FSIP2: variants seen among roughly 807,000 people sequenced by gnomAD.
FSIP2 encodes fibrous sheath interacting protein 2.
A neutral mutation model predicts 510.5 loss-of-function variants in FSIP2; 367 were observed. The ratio of observed to expected loss-of-function variants is 0.72; its 90% CI spans 0.66 to 0.78. The LOEUF (loss-of-function observed/expected upper bound fraction) is 0.78. Among genes scored for constraint, FSIP2 ranks in the 30% least tolerant of loss-of-function variants. The pLI is 0.00. For synonymous variants in FSIP2, 2,601 were observed against 2,732.2 expected (o/e 0.95, Z 1.50); for missense variants, 7,594 against 7,901.7 (o/e 0.96, Z 1.48).
Position 185,799,839 on chromosome 2 carries a change from T to C in FSIP2, c.10533T>C (p.Thr3511=), listed in dbSNP as rs1693383526. The C allele has an allele frequency of 6.5e-7, 1 of 1,532,650 alleles. No individual in the cohort carries two copies. The highest frequency in any genetic ancestry group is 1.2e-5 in the South Asian group (1 of 83,848). 94.9% of individuals were successfully genotyped at this position (1,532,650 alleles called of 1,614,324 possible). ...CTGAGTCAGTACTTTACCATTTAAC[T>C]TCGAGCATTTCTGATGGCACCAAAA... The part of the protein sequence containing the change: ...HLTESVLYHL[T]SSISDGTKKG... Residue 3511 remains threonine (T), a synonymous_variant, in exon 17 of 23, where the codon ACT becomes ACC. Coordinates refer to ENST00000424728, the MANE Select transcript of FSIP2 (RefSeq NM_173651.4).
Position 185,807,291 on chromosome 2 carries a change from CA to C in FSIP2, c.17988del (p.Glu5997AsnfsTer10). The C allele has an allele frequency of 6.2e-7, 1 of 1,612,646 alleles. No individual in the cohort carries two copies. The highest frequency in any genetic ancestry group is 1.7e-4 in the Middle Eastern group (1 of 6,052). On this transcript the variant is annotated frameshift_variant, in exon 17 of 23. Coordinates refer to ENST00000424728, the MANE Select transcript of FSIP2 (RefSeq NM_173651.4). LOFTEE classifies it high-confidence loss of function. ...TCCAAAAGTTGGCCCAAACAGCCAGCAAAGAATGTCAAACTTCATCACCATA... is the reference window on the plus strand; with the variant it reads ...TCCAAAAGTTGGCCCAAACAGCCAGCAAGAATGTCAAACTTCATCACCATA... ...KVQKLAQTAS[K>X]ECQTSSPYTI...
upstream of FSIP2, chr2:185,738,216 G>A (rs895037248): frequency 4.3e-6 from 1 of 233,208 alleles, no homozygotes; most frequent in South Asian, 5.1e-5. Flanking sequence ...TTAGCTCAAT[G>A]ACTGGCCCAG....
At chr2:185,797,813 C>T (rs1429110578) in intron 16 of FSIP2, 3 of 268,436 alleles carry the variant, frequency 1.1e-5, no homozygotes, top group East Asian at 8.8e-5. Flanking sequence ...CTCAGCCTTC[C>T]CCCAAAATAG....
chr2:185,800,027 TA>T lies in FSIP2; in HGVS notation c.10722del (p.Gln3575ArgfsTer21), dbSNP rs1693391826. The T allele has an allele frequency of 1.3e-6, 2 of 1,521,972 alleles. No individual in the cohort carries two copies. Among genetic ancestry groups the T allele is most frequent in the Middle Eastern group, 1.7e-4 (1 of 5,910 alleles). The allele number at this position is 1,521,972 out of a possible 1,614,324, so 94.3% of individuals were successfully genotyped here. On this transcript the variant is annotated frameshift_variant, in exon 17 of 23. Transcript: ENST00000424728. LOFTEE classifies it high-confidence loss of function. ...IIKILFNNKI[I>X]QADIAQKMVA... Reference sequence around the variant, plus strand: ...AAAATTCTTTTTAATAATAAAATTATACAGGCTGACATTGCACAGAAAATGG... The same window carrying T: ...AAAATTCTTTTTAATAATAAAATTATCAGGCTGACATTGCACAGAAAATGG...
intron 21 of FSIP2, 100 bp from the exon 22 acceptor site, chr2:185,831,713 G>A: frequency 1.3e-6 from 1 of 743,532 alleles, no homozygotes. Flanking sequence ...ATGCTGTAGT[G>A]GTATTTATAG....
chr2:185,753,616 A>G, intron 7 of FSIP2, 106 bp from the exon 8 acceptor site: 1 of 570,170 alleles, frequency 1.8e-6, no homozygotes, highest in Non-Finnish European at 2.9e-6. Context: ...AAATCAAGAC[A>G]GGACTGATTA....
At chr2:185,751,908 A>G (rs185829026) in intron 7 of FSIP2, among the ~76,000 whole-genome samples, 196 of 151,366 alleles carry the variant, frequency 1.3e-3, no homozygotes, top group African/African-American at 4.5e-3. Context: ...TTTTATTTAT[A>G]TACATACACG....
At chr2:185,748,751 A>G (rs1692085697) in intron 7 of FSIP2, among the ~76,000 whole-genome samples, 1 of 152,062 alleles carries the variant, frequency 6.6e-6, no homozygotes, top group African/African-American at 2.4e-5. Flanking sequence ...TGTAAGCATG[A>G]TAACACCACA....
chr2:185,768,797 C>A (rs765097181), intron 13 of FSIP2, among the ~76,000 whole-genome samples: 34 of 151,944 alleles, frequency 2.2e-4, no homozygotes, highest in Admixed American at 1.3e-4. Flanking sequence ...AACCCTCTAC[C>A]ACAGTGTGGC....
chr2:185,758,868 T>C (rs1044973718), intron 9 of FSIP2, among the ~76,000 whole-genome samples: 1 of 151,332 alleles, frequency 6.6e-6, no homozygotes. Flanking sequence ...TTTTTGTGGC[T>C]TTATAATAAG....
rs185402937 is a variant in FSIP2 at position 185,804,664 on chromosome 2, G to A, written c.15358G>A (p.Asp5120Asn). The A allele has an allele frequency of 2.2e-5, 34 of 1,532,814 alleles. No homozygotes were observed. Among genetic ancestry groups the A allele is most frequent in the Non-Finnish European group, 2.7e-5 (31 of 1,144,792 alleles). The allele number at this position is 1,532,814 out of a possible 1,614,324, so 95.0% of individuals were successfully genotyped here. ...TGTGTTGCCTCATTCTCTTTTAGAA[G>A]ATATGGTTTACAGGCTTCTAGGGCA... ...ITVLPHSLLE[D>N]MVYRLLGHVF... Residue 5120 changes from aspartate (D) to asparagine (N), a missense_variant, in exon 17 of 23, where the codon GAT becomes AAT. Asp to Asn is a conservative substitution (Grantham distance 23, BLOSUM62 1). Transcript: ENST00000424728.
At position 185,792,904 on chromosome 2, in the gene FSIP2, C is replaced by T; in HGVS notation, c.5768C>T (p.Ala1923Val). 1 of 1,533,866 alleles carries T rather than the reference C, an allele frequency of 6.5e-7. No homozygotes were observed. Among genetic ancestry groups the T allele is most frequent in the Non-Finnish European group, 8.7e-7 (1 of 1,145,380 alleles). ...AATCTAGCTGAAGATATTGTACAGG[C>T]AATATTAACAAATTTAGAAACTTTT... is the stretch of plus-strand genomic sequence containing the variant. ...KVNLAEDIVQAILTNLETFAT... is the reference protein window; with the variant it reads ...KVNLAEDIVQVILTNLETFAT... Residue 1923 changes from alanine (A) to valine (V), a missense_variant, in exon 16 of 23, where the codon GCA becomes GTA. Coordinates refer to ENST00000424728, the MANE Select transcript of FSIP2 (RefSeq NM_173651.4).
chr2:185,829,202 C>G (rs1694067121), intron 21 of FSIP2, among the ~76,000 whole-genome samples: 2 of 151,878 alleles, frequency 1.3e-5, no homozygotes, highest in African/African-American at 4.8e-5. Flanking sequence ...TTCTTTCCCT[C>G]TTTGCTACCT....
Position 185,802,236 on chromosome 2 carries a change from G to A in FSIP2, c.12930G>A (p.Arg4310=). The change falls in exon 17 of 23, where the codon AGG becomes AGA. Residue 4310 remains arginine (R), a synonymous_variant. Coordinates refer to ENST00000424728, the MANE Select transcript of FSIP2 (RefSeq NM_173651.4). ...PLDIHLDSFV[R]EIVARLLSKI... ...ATATTCACCTTGATTCATTTGTAAG[G>A]GAGATTGTTGCCAGACTTTTGTCAA... is the stretch of plus-strand genomic sequence containing the variant. 1 of 1,533,750 alleles carries A rather than the reference G, an allele frequency of 6.5e-7. No homozygotes were observed.
Position 185,806,330 on chromosome 2 carries a change from A to G in FSIP2, c.17024A>G (p.Glu5675Gly), listed in dbSNP as rs1189506631. 6.2e-7 allele frequency: 1 copy of G among 1,609,850 alleles called. No homozygotes were observed. Among genetic ancestry groups the G allele is most frequent in the South Asian group, 1.1e-5 (1 of 90,658 alleles). ...CRDEEHHSDY[E>G]HVQNVIENIF... is the part of the protein sequence containing the mutation. ...GATGAGGAACACCACTCAGATTATG[A>G]ACATGTTCAAAATGTCATTGAAAAT... Residue 5675 changes from glutamate (E) to glycine (G), a missense_variant, in exon 17 of 23, where the codon GAA becomes GGA. Physicochemically the swap from Glu to Gly is moderately conservative, Grantham distance 98. Coordinates refer to ENST00000424728, the MANE Select transcript of FSIP2 (RefSeq NM_173651.4).
chr2:185,789,158 G>A lies in FSIP2; in HGVS notation c.2022G>A (p.Leu674=). The A allele has an allele frequency of 3.3e-6, 5 of 1,534,896 alleles. No individual in the cohort carries two copies. Among genetic ancestry groups the A allele is most frequent in the Non-Finnish European group, 4.4e-6 (5 of 1,145,954 alleles). ...AAACAGATAGCTTAGGGAGTTCATT[G>A]CATTGTGATAAAACAGCAAAAGCCA... ...TTETDSLGSS[L]HCDKTAKAMD... Residue 674 remains leucine (L), a synonymous_variant, in exon 16 of 23, where the codon TTG becomes TTA. Coordinates refer to ENST00000424728, the MANE Select transcript of FSIP2 (RefSeq NM_173651.4).
intron 16 of FSIP2, among the ~76,000 whole-genome samples, 197 bp from the exon 17 acceptor site, chr2:185,799,500 T>G (rs1343240306): frequency 6.6e-6 from 1 of 151,754 alleles, no homozygotes; most frequent in Non-Finnish European, 1.5e-5. Flanking sequence ...ATTTTCTCAA[T>G]TTATTGGCTA....
rs1480663612 is a variant in FSIP2, at chr2:185,795,583, C to T, written c.8447C>T (p.Ala2816Val). The change falls in exon 16 of 23, where the codon GCA becomes GTA. Residue 2816 changes from alanine to valine, a missense_variant. Transcript: ENST00000424728. Reference protein sequence around the residue: ...IGTGSLPKQQACFYLENVSSQ... With the variant: ...IGTGSLPKQQVCFYLENVSSQ... ...ACAGGATCCCTTCCTAAACAACAAG[C>T]ATGTTTTTACTTGGAGAATGTTTCT... is the stretch of plus-strand genomic sequence containing the variant. The T allele has an allele frequency of 1.3e-6, 2 of 1,534,992 alleles. No individual in the cohort carries two copies. The highest frequency in any genetic ancestry group is 1.7e-6 in the Non-Finnish European group (2 of 1,146,066).
At position 185,807,267 on chromosome 2, in the gene FSIP2, C is replaced by T. The variant is rs1559035759; in HGVS notation, c.17961C>T (p.Val5987=). The T allele has an allele frequency of 2.5e-5, 41 of 1,612,522 alleles. No individual in the cohort carries two copies. Among genetic ancestry groups the T allele is most frequent in the Non-Finnish European group, 3.4e-5 (40 of 1,179,172 alleles). Residue 5987 remains valine, a synonymous_variant, in exon 17 of 23, where the codon GTC becomes GTT. Coordinates refer to ENST00000424728, the MANE Select transcript of FSIP2 (RefSeq NM_173651.4). ...AATCTAAGGATGTTGTTAAAAAGGT[C>T]CAAAAGTTGGCCCAAACAGCCAGCA... The part of the protein sequence containing the change: ...PLESKDVVKK[V]QKLAQTASKE...
Sources: allele counts gnomAD v4.1 joint callset (sites outside exome capture counted in the v4.1 genomes callset), GRCh38; gene constraint gnomAD v4.1.1; transcripts MANE v1.5; gene names NCBI Gene and HGNC (gene_info 2026-07-23, HGNC 2026-07-21).